NTRK2: variants seen among roughly 807,000 people sequenced by gnomAD.
NTRK2 encodes the protein neurotrophic receptor tyrosine kinase 2.
Under a neutral mutation model 94.5 loss-of-function variants are expected in NTRK2, and 13 were observed. The observed-to-expected ratio is 0.14, with a 90% CI of 0.09 to 0.22. The LOEUF (loss-of-function observed/expected upper bound fraction) is 0.22, where lower values mean the gene tolerates loss of function less well. Ranked by LOEUF, NTRK2 falls within the 10% of genes least tolerant of loss-of-function variation. The probability of loss-of-function intolerance (pLI) is 1.00; values close to 1 mark genes in which losing one functional copy is unlikely to be tolerated. For missense variants in NTRK2, 639 were observed against 1,071.2 expected, an observed-to-expected ratio of 0.60 and a Z score of 5.63; for synonymous variants, 372 against 407.4, an observed-to-expected ratio of 0.91 and a Z score of 1.05.
At chr9:84,897,868 G>A (rs1291565472) in intron 14 of NTRK2, among the ~76,000 whole-genome samples, 1 of 152,184 alleles carries the variant, frequency 6.6e-6, no homozygotes, top group African/African-American at 2.4e-5. Flanking sequence ...AGGCCTGTGA[G>A]CAAGGGACCC....
intron 12 of NTRK2, among the ~76,000 whole-genome samples, chr9:84,778,575 C>T (rs1224424014): frequency 2.0e-5 from 3 of 152,234 alleles, no homozygotes; most frequent in Admixed American, 6.5e-5. Context: ...CTTTGTGCCT[C>T]TTCAAGAGAC....
intron 12 of NTRK2, among the ~76,000 whole-genome samples, chr9:84,768,152 C>T (rs1043762067): frequency 6.6e-6 from 1 of 152,160 alleles, no homozygotes; most frequent in Non-Finnish European, 1.5e-5. Flanking sequence ...AGATTCTTAC[C>T]AATTTCAACA....
intron 2 of NTRK2, among the ~76,000 whole-genome samples, chr9:84,671,933 A>G (rs2058723120): frequency 6.6e-6 from 1 of 152,164 alleles, no homozygotes; most frequent in African/African-American, 2.4e-5. Flanking sequence ...TTTTTCCTGA[A>G]GGATGCTGTC....
intron 4 of NTRK2, among the ~76,000 whole-genome samples, chr9:84,705,148 C>T (rs897738080): frequency 2.0e-5 from 3 of 152,050 alleles, no homozygotes; most frequent in Admixed American, 1.3e-4. Flanking sequence ...TATTTCACTT[C>T]GGGTTTTAGG....
At chr9:84,873,580 A>G (rs1294112357) in intron 14 of NTRK2, 2 of 1,053,346 alleles carry the variant, frequency 1.9e-6, no homozygotes, top group African/African-American at 1.7e-5. Flanking sequence ...GAAGCTATCA[A>G]ATAATGCTTT....
In NTRK2 at chr9:84,671,003, G is replaced by C; in HGVS notation, c.212+43G>C. ...TTCCTCCTTTTTCTCCTTGCCCCTA[G>C]GGCCCGAGCTGGCCAGGTGGGTAGG... On this transcript the variant is annotated intron_variant, in intron 2 of 18. Transcript: ENST00000277120. 5 of 1,582,998 alleles carry C rather than the reference G, an allele frequency of 3.2e-6. No homozygotes were observed. The South Asian group carries it at 5.6e-5, about 18-fold the overall frequency.
At chr9:84,724,578 T>G (rs930235902) in intron 8 of NTRK2, among the ~76,000 whole-genome samples, 4 of 152,248 alleles carry the variant, frequency 2.6e-5, no homozygotes, top group Non-Finnish European at 4.4e-5. Context: ...TCTTTTTCGA[T>G]TTTGAGCTTG....
Position 84,877,119 on chromosome 9 carries a change from G to C in NTRK2, c.1633+9688G>C, listed in dbSNP as rs139923427. 520 of 1,064,820 alleles carry C rather than the reference G, an allele frequency of 4.9e-4. 2 individuals are homozygous for C. In the African/African-American group the frequency reaches 8.0e-3, roughly 16 times the overall value. The allele number at this position is 1,064,820 out of a possible 1,614,324, so 66.0% of individuals were successfully genotyped here. A position where few individuals can be genotyped will look rare whatever the true frequency, so the allele number is the denominator to read the frequency against. On this transcript the variant is annotated intron_variant, in intron 14 of 18. Transcript: ENST00000277120. Reference sequence around the variant, plus strand: ...TGAATCAATCACACTTTCCTTCTCGGATTGTGTATATGCTCTGCCACTTCC... The same window carrying C: ...TGAATCAATCACACTTTCCTTCTCGCATTGTGTATATGCTCTGCCACTTCC...
intron 12 of NTRK2, chr9:84,811,787 C>G: frequency 2.8e-6 from 3 of 1,065,472 alleles, no homozygotes; most frequent in Non-Finnish European, 3.4e-6. Context: ...TTTCTGCATC[C>G]CCCCTGAGTC....
At chr9:84,905,276 GT>G (rs34960820) in intron 14 of NTRK2, among the ~76,000 whole-genome samples, 538 of 6,966 alleles carry the variant, frequency 0.077, 12 homozygotes, top group East Asian at 0.4. Flanking sequence ...GTTTTAGAGG[GT>G]GTGTGTGTGT....
chr9:84,889,959 T>C (rs749523500), intron 14 of NTRK2, among the ~76,000 whole-genome samples: 1 of 152,058 alleles, frequency 6.6e-6, no homozygotes, highest in Non-Finnish European at 1.5e-5. Flanking sequence ...TTCTGAAAAA[T>C]GGTAGTAGCA....
intron 17 of NTRK2, among the ~76,000 whole-genome samples, chr9:84,974,852 G>A (rs1033846289): frequency 6.6e-6 from 1 of 152,186 alleles, no homozygotes; most frequent in Non-Finnish European, 1.5e-5. Context: ...GTCGCCGGCT[G>A]TTTGGGAGTT....
rs2062568241 is a variant in NTRK2 at position 84,727,823 on chromosome 9, G to A, written c.1023G>A (p.Glu341=). ...CTKIHVTNHT[E]YHGCLQLDNP... is the part of the protein sequence containing the mutation. Reference sequence around the variant, plus strand: ...AAATACATGTTACCAATCACACGGAGTACCACGGCTGCCTCCAGCTGGATA... The same window carrying A: ...AAATACATGTTACCAATCACACGGAATACCACGGCTGCCTCCAGCTGGATA... Residue 341 remains glutamate (E), a synonymous_variant, in exon 9 of 19, where the codon GAG becomes GAA. Coordinates refer to ENST00000277120, the MANE Select transcript of NTRK2 (RefSeq NM_006180.6). 1.2e-6 allele frequency: 2 copies of A among 1,614,086 alleles called. No homozygotes were observed. The highest frequency in any genetic ancestry group is 1.1e-5 in the South Asian group (1 of 91,084).
At chr9:84,707,702 AAG>A in intron 4 of NTRK2, 140 bp from the exon 5 acceptor site, 11 of 658,170 alleles carry the variant, frequency 1.7e-5, no homozygotes, top group Admixed American at 2.6e-5. Flanking sequence ...CTCTAAGTGA[AAG>A]AGAGAGAGAT....
chr9:84,758,954 A>G (rs1009920139), intron 12 of NTRK2, among the ~76,000 whole-genome samples: 1 of 152,236 alleles, frequency 6.6e-6, no homozygotes, highest in Admixed American at 6.5e-5. Context: ...CACACAAAAT[A>G]GTATCAGAGA....
intron 17 of NTRK2, among the ~76,000 whole-genome samples, chr9:84,969,051 T>G (rs1224908834): frequency 1.3e-5 from 2 of 152,230 alleles, no homozygotes; most frequent in Non-Finnish European, 1.5e-5. Flanking sequence ...TTCCTACAAG[T>G]GCAGCCACAC....
At chr9:85,000,338 T>C (rs1376901358) in intron 17 of NTRK2, among the ~76,000 whole-genome samples, 1 of 152,150 alleles carries the variant, frequency 6.6e-6, no homozygotes, top group African/African-American at 2.4e-5. Context: ...GTATCCAGCA[T>C]TGTAGTATTA....
Position 85,001,867 on chromosome 9 carries a change from C to T in NTRK2, c.2173-18339C>T, listed in dbSNP as rs189647585. On this transcript the variant is annotated intron_variant, in intron 17 of 18. Transcript: ENST00000277120. ...AGTAAACACAACTCCTTTTTCCTCA[C>T]CTGAAGGCCAGAATTTCTGAATAGG... Among the ~76,000 whole-genome samples the T allele has an allele frequency of 5.9e-5, 9 of 152,308 alleles. No homozygotes were observed. The East Asian group carries it at 1.5e-3, about 26-fold the overall frequency.
At chr9:84,936,705 C>T (rs1257657497) in intron 15 of NTRK2, among the ~76,000 whole-genome samples, 2 of 152,124 alleles carry the variant, frequency 1.3e-5, no homozygotes, top group African/African-American at 4.8e-5. Context: ...TAAATCCCAA[C>T]TCTTCTCTTT....
Sources: gnomAD v4.1 joint callset for allele counts (sites outside exome capture counted in the v4.1 genomes callset) on GRCh38, gnomAD v4.1.1 for gene constraint, MANE v1.5 for transcripts, NCBI Gene and HGNC (gene_info 2026-07-23, HGNC 2026-07-21) for gene names.